The following PPFIA2 variants were observed in gnomAD, a reference collection of about 807,000 sequenced individuals.
The protein encoded by PPFIA2 is liprin-alpha-2.
A neutral mutation model predicts 175.5 loss-of-function variants in PPFIA2; 46 were observed. The ratio of observed to expected loss-of-function variants is 0.26; its 90% confidence interval spans 0.21 to 0.34. The LOEUF is 0.34. PPFIA2 is among the 10% of genes least tolerant of loss of function. The pLI is 1.00. For missense variants in PPFIA2, 1,179 were observed against 1,506.1 expected (o/e 0.78, Z 3.60); for synonymous variants, 568 against 511.4 (o/e 1.11, Z -1.49).
intron 4 of PPFIA2, among the ~76,000 whole-genome samples, chr12:81,488,542 C>G (rs776054138): frequency 1.3e-5 from 2 of 151,806 alleles, no homozygotes; most frequent in Non-Finnish European, 2.9e-5. Context: ...AATTCTGTCA[C>G]TCACTCAAAA....
chr12:81,507,304 T>C (rs2061280715), intron 4 of PPFIA2, among the ~76,000 whole-genome samples: 1 of 152,188 alleles, frequency 6.6e-6, no homozygotes, highest in Admixed American at 6.5e-5. Flanking sequence ...AATTCTTTTC[T>C]TGTTGGTTTT....
intron 4 of PPFIA2, among the ~76,000 whole-genome samples, chr12:81,661,336 AT>A (rs1326943194): frequency 1.3e-5 from 2 of 152,232 alleles, no homozygotes; most frequent in Admixed American, 1.3e-4. Flanking sequence ...TAGGCTCAAA[AT>A]AAAGGGATGG....
intron 3 of PPFIA2, among the ~76,000 whole-genome samples, chr12:81,724,659 T>A (rs867473624): frequency 1.2e-4 from 18 of 151,214 alleles, no homozygotes; most frequent in South Asian, 1.0e-3. Context: ...CATGATTTCA[T>A]CCTTTTTTTA....
At chr12:81,331,257 T>C (rs995601371) in intron 21 of PPFIA2, among the ~76,000 whole-genome samples, 42 of 152,234 alleles carry the variant, frequency 2.8e-4, no homozygotes, top group Non-Finnish European at 4.7e-4. Context: ...GCCTACAGTG[T>C]TCAGTACAGT....
chr12:81,286,311 T>C (rs1262378654), intron 24 of PPFIA2, among the ~76,000 whole-genome samples: 1 of 152,104 alleles, frequency 6.6e-6, no homozygotes, highest in African/African-American at 2.4e-5. Flanking sequence ...TTGTGTGTAG[T>C]ATAAAGTATA....
intron 32 of PPFIA2, chr12:81,260,205 G>A (rs2034931128): frequency 6.6e-6 from 1 of 151,996 alleles, no homozygotes; most frequent in Non-Finnish European, 1.5e-5. Context: ...AGTATGCTCT[G>A]GATTATTTTA....
At chr12:81,365,832 T>C (rs908767602) in intron 14 of PPFIA2, among the ~76,000 whole-genome samples, 5 of 151,842 alleles carry the variant, frequency 3.3e-5, no homozygotes, top group Non-Finnish European at 5.9e-5. Flanking sequence ...CAGGAGATTG[T>C]GGACACCTTG....
intron 7 of PPFIA2, among the ~76,000 whole-genome samples, chr12:81,418,564 G>A (rs548370765): frequency 6.6e-6 from 1 of 152,042 alleles, no homozygotes; most frequent in East Asian, 1.9e-4. Context: ...TTTACACATT[G>A]TCTATGATTG....
At chr12:81,564,102 T>C (rs2070790459) in intron 4 of PPFIA2, among the ~76,000 whole-genome samples, 1 of 152,228 alleles carries the variant, frequency 6.6e-6, no homozygotes, top group Admixed American at 6.5e-5. Flanking sequence ...CACACTCATT[T>C]TGCAAAATAG....
intron 24 of PPFIA2, chr12:81,292,703 G>C (rs1291336280): frequency 6.6e-6 from 1 of 152,026 alleles, no homozygotes; most frequent in Non-Finnish European, 1.5e-5. Context: ...GTTAAGTCTT[G>C]GGAGAGCCAA....
chr12:81,335,446 T>C (rs1467988669), intron 21 of PPFIA2, among the ~76,000 whole-genome samples: 2 of 152,024 alleles, frequency 1.3e-5, no homozygotes, highest in Non-Finnish European at 2.9e-5. Context: ...TTTGTGACAT[T>C]GAAAGACAAT....
intron 7 of PPFIA2, among the ~76,000 whole-genome samples, chr12:81,422,148 A>G (rs1179771826): frequency 1.5e-5 from 1 of 67,490 alleles, no homozygotes; most frequent in African/African-American, 1.1e-4. Context: ...GTGTATATAT[A>G]TGTGTGTATA....
At chr12:81,535,367 A>G (rs1018120337) in intron 4 of PPFIA2, 34 of 455,102 alleles carry the variant, frequency 7.5e-5, no homozygotes, top group African/African-American at 6.8e-4. Context: ...GGCCAGATCT[A>G]TAGTCACCAG....
chr12:81,658,051 C>A (rs2068066838), intron 4 of PPFIA2, among the ~76,000 whole-genome samples: 3 of 151,984 alleles, frequency 2.0e-5, no homozygotes, highest in Admixed American at 6.6e-5. Flanking sequence ...TGTGGGTAAC[C>A]TGAGGTCAGG....
chr12:81,370,923 T>C lies in PPFIA2; in HGVS notation c.1267-1729A>G, dbSNP rs531915532. Among the ~76,000 whole-genome samples the C allele has an allele frequency of 8.4e-4, 127 of 152,028 alleles. 1 individual carries two copies. In the Middle Eastern group the frequency reaches 0.014, roughly 16 times the overall value. ...TTCTAAAACAGTGAAACTCACTTTATGCCAATATAGAACTATATATAAATA... is the reference window on the plus strand; with the variant it reads ...TTCTAAAACAGTGAAACTCACTTTACGCCAATATAGAACTATATATAAATA... On this transcript the variant is annotated intron_variant, in intron 11 of 32. Transcript: ENST00000549396.
chr12:81,415,147 T>C (rs1483795549), intron 7 of PPFIA2, among the ~76,000 whole-genome samples: 4 of 117,846 alleles, frequency 3.4e-5, no homozygotes, highest in Admixed American at 2.1e-4. Context: ...AATGAGAGGT[T>C]TGCATTGTGA....
At chr12:81,530,735 G>C (rs2064403982) in intron 4 of PPFIA2, among the ~76,000 whole-genome samples, 1 of 146,220 alleles carries the variant, frequency 6.8e-6, no homozygotes, top group South Asian at 2.2e-4. Context: ...AGAGAAAATT[G>C]AGGAGGATAA....
At chr12:81,294,003 T>C (rs2045752291) in intron 24 of PPFIA2, among the ~76,000 whole-genome samples, 1 of 148,204 alleles carries the variant, frequency 6.7e-6, no homozygotes, top group South Asian at 2.2e-4. Context: ...TAAATGGAAC[T>C]GGAGACCATT....
intron 4 of PPFIA2, among the ~76,000 whole-genome samples, chr12:81,471,476 T>C (rs1449293139): frequency 6.6e-6 from 1 of 151,748 alleles, no homozygotes; most frequent in Non-Finnish European, 1.5e-5. Context: ...GGTTTCCTTT[T>C]TTTTTTTTTC....
Sources: gnomAD v4.1 joint callset for allele counts (sites outside exome capture counted in the v4.1 genomes callset) on GRCh38, gnomAD v4.1.1 for gene constraint, MANE v1.5 for transcripts, NCBI Gene and HGNC (gene_info 2026-07-23, HGNC 2026-07-21) for gene names.